Variants in HNF1B observed in about 807,000 individuals in gnomAD.
The protein encoded by HNF1B is HNF1 homeobox B.
HNF1B carries 8 observed loss-of-function variants against 61.7 expected under a neutral mutation model. That is an observed-to-expected ratio of 0.13 (90% CI 0.08 to 0.23). HNF1B has a LOEUF of 0.23. Ranked by LOEUF, HNF1B falls within the 10% of genes least tolerant of loss-of-function variation. HNF1B has a pLI of 1.00. For synonymous variants in HNF1B, 314 were observed against 287.7 expected (o/e 1.09, Z -0.93); for missense variants, 562 against 714.5 (o/e 0.79, Z 2.43).
At chr17:37,690,984 G>T (rs1291581535) in intron 8 of HNF1B, among the ~76,000 whole-genome samples, 1 of 152,166 alleles carries the variant, frequency 6.6e-6, no homozygotes, top group East Asian at 1.9e-4. Context: ...AAAGAATGAG[G>T]CCCGGGGCCC....
At chr17:37,693,525 G>C (rs942856433) in intron 8 of HNF1B, among the ~76,000 whole-genome samples, 11 of 152,096 alleles carry the variant, frequency 7.2e-5, no homozygotes, top group African/African-American at 2.2e-4. Flanking sequence ...CCTTTGACTC[G>C]AGCAGGGTGC....
intron 4 of HNF1B, among the ~76,000 whole-genome samples, chr17:37,722,812 A>C (rs77190863): frequency 0.027 from 4,040 of 152,218 alleles, 190 homozygotes; most frequent in African/African-American, 0.092. Context: ...GGTTGAGGGA[A>C]GTGGTTTCCA....
chr17:37,744,692 G>C lies in HNF1B; in HGVS notation c.193C>G (p.Leu65Val). 2 of 1,613,556 alleles carry C rather than the reference G, an allele frequency of 1.2e-6. No homozygotes were observed. The highest frequency in any genetic ancestry group is 2.2e-5 in the East Asian group (1 of 44,880). Residue 65 changes from leucine to valine, a missense_variant, in exon 1 of 9, where the codon CTC becomes GTC. By Grantham distance (32) the Leu-to-Val change is conservative (BLOSUM62 1). This residue lies in a region of HNF1B where 148 missense variants were observed against 147.3 expected (regional missense o/e 1.00). Coordinates refer to ENST00000617811, the MANE Select transcript of HNF1B (RefSeq NM_000458.4). ...EPDTKPVFHTLTNGHAKGRLS... is the reference protein window; with the variant it reads ...EPDTKPVFHTVTNGHAKGRLS... The stretch of plus-strand genomic sequence containing the variant: ...CGGCCCTTGGCGTGGCCGTTGGTGA[G>C]AGTATGGAAGACCGGCTTGGTGTCG...
At chr17:37,739,869 G>A (rs1444988985) in intron 1 of HNF1B, among the ~76,000 whole-genome samples, 1 of 151,942 alleles carries the variant, frequency 6.6e-6, no homozygotes, top group Non-Finnish European at 1.5e-5. Context: ...GGGCAAAAGA[G>A]GACTTCCCAT....
At chr17:37,700,547 A>G (rs1447463271) in intron 7 of HNF1B, among the ~76,000 whole-genome samples, 1 of 152,222 alleles carries the variant, frequency 6.6e-6, no homozygotes, top group Non-Finnish European at 1.5e-5. Context: ...AGGGAAGGCA[A>G]ACAGGATGCA....
At chr17:37,725,690 T>C (rs1270234901) in intron 4 of HNF1B, among the ~76,000 whole-genome samples, 1 of 152,238 alleles carries the variant, frequency 6.6e-6, no homozygotes, top group Non-Finnish European at 1.5e-5. Flanking sequence ...TGAAATAATC[T>C]GCTACTTAAG....
chr17:37,693,871 GTTT>G (rs1315737567), intron 8 of HNF1B, among the ~76,000 whole-genome samples: 1 of 152,228 alleles, frequency 6.6e-6, no homozygotes, highest in East Asian at 1.9e-4. Context: ...AGATCTGGTT[GTTT>G]AAGAGTCTGG....
rs529990651 is a variant in HNF1B at position 37,707,016 on chromosome 17, T to A, written c.1207-1967A>T. 5.3e-5 allele frequency among the ~76,000 whole-genome samples: 8 copies of A among 152,270 alleles called. No individual in the cohort carries two copies. The East Asian group carries it at 1.5e-3, about 29-fold the overall frequency. On this transcript the variant is annotated intron_variant, in intron 5 of 8. Coordinates refer to ENST00000617811, the MANE Select transcript of HNF1B (RefSeq NM_000458.4). ...TGACTCATAAGTGAAAAAGCCAGAG[T>A]TAAAATCCAGTTTTGCTGGAGCTTA... is the stretch of plus-strand genomic sequence containing the variant.
At chr17:37,727,969 C>G (rs998312223) in intron 4 of HNF1B, among the ~76,000 whole-genome samples, 1 of 151,860 alleles carries the variant, frequency 6.6e-6, no homozygotes, top group Non-Finnish European at 1.5e-5. Context: ...ATTTTGGGCT[C>G]TCCTCAGCAA....
chr17:37,716,505 G>C (rs139751369), intron 4 of HNF1B, among the ~76,000 whole-genome samples: 74 of 152,312 alleles, frequency 4.9e-4, no homozygotes, highest in Non-Finnish European at 8.8e-4. Context: ...GGCCTCAAGT[G>C]TTGTGTTTTT....
At chr17:37,717,154 T>G (rs902529854) in intron 4 of HNF1B, among the ~76,000 whole-genome samples, 5 of 152,170 alleles carry the variant, frequency 3.3e-5, no homozygotes, top group Non-Finnish European at 7.4e-5. Flanking sequence ...ATGTGGCTTT[T>G]GGCACTGAAA....
At chr17:37,721,680 A>C (rs2033320049) in intron 4 of HNF1B, among the ~76,000 whole-genome samples, 1 of 150,046 alleles carries the variant, frequency 6.7e-6, no homozygotes, top group East Asian at 1.9e-4. Flanking sequence ...CATCTGGCCT[A>C]GTAATGTCAA....
chr17:37,737,107 A>C (rs890446728), intron 2 of HNF1B, among the ~76,000 whole-genome samples: 9 of 152,056 alleles, frequency 5.9e-5, no homozygotes, highest in Non-Finnish European at 1.0e-4. Flanking sequence ...TTTTTCCAGG[A>C]AATTTGTAAT....
intron 4 of HNF1B, among the ~76,000 whole-genome samples, chr17:37,712,765 GCCT>G (rs1187634781): frequency 6.6e-6 from 1 of 152,158 alleles, no homozygotes; most frequent in African/African-American, 2.4e-5. Flanking sequence ...TGGAGAGAAT[GCCT>G]CCTCAACAGG....
chr17:37,706,109 C>A (rs550565700), intron 5 of HNF1B, among the ~76,000 whole-genome samples: 1 of 152,222 alleles, frequency 6.6e-6, no homozygotes, highest in South Asian at 2.1e-4. Context: ...CAGGCACCTA[C>A]CACCACGCCT....
intron 1 of HNF1B, among the ~76,000 whole-genome samples, chr17:37,742,874 C>G (rs2034039308): frequency 6.6e-6 from 1 of 151,218 alleles, no homozygotes; most frequent in Non-Finnish European, 1.5e-5. Context: ...TGGGTGCGCG[C>G]TGGGAGCGGC....
At position 37,731,642 on chromosome 17, in the gene HNF1B, C is replaced by A. The variant is rs1389007691; in HGVS notation, c.998G>T (p.Gly333Val). The change falls in exon 4 of 9, where the codon GGC becomes GTC. Residue 333 changes from glycine to valine, a missense_variant. Around this residue, in one of 6 missense-constraint regions of HNF1B, gnomAD observed 211 missense variants for 200.7 expected, o/e 1.05. Transcript: ENST00000617811. ...GGAGCTGGGCTGGTGGTGGGGGGAG[C>A]CGTGGGAGAGCAGAGGGTTCAGGCT... is the stretch of plus-strand genomic sequence containing the variant. The part of the protein sequence containing the change: ...THSLNPLLSH[G>V]SPHHQPSSSP... 2 of 1,613,926 alleles carry A rather than the reference C, an allele frequency of 1.2e-6. No individual in the cohort carries two copies. The highest frequency in any genetic ancestry group is 1.7e-6 in the Non-Finnish European group (2 of 1,179,904).
intron 8 of HNF1B, among the ~76,000 whole-genome samples, chr17:37,690,003 GCACACACACACACACACACA>G (rs5820231): frequency 3.4e-5 from 5 of 148,764 alleles, no homozygotes; most frequent in Non-Finnish European, 7.4e-5. Context: ...ACAAATGCGT[GCACACACACACACACACACA>G]CACACACACA....
chr17:37,727,584 G>A (rs978632851), intron 4 of HNF1B, among the ~76,000 whole-genome samples: 1 of 152,296 alleles, frequency 6.6e-6, no homozygotes, highest in Admixed American at 6.5e-5. Context: ...GAGGGGCAAC[G>A]CTGGAAACAG....
Sources: gnomAD v4.1 joint callset for allele counts (sites outside exome capture counted in the v4.1 genomes callset) on GRCh38, gnomAD v4.1.1 for gene constraint, gnomAD v4.1.1 regional missense constraint, MANE v1.5 for transcripts, NCBI Gene and HGNC (gene_info 2026-07-23, HGNC 2026-07-21) for gene names.